Variants in HS3ST4 observed in about 807,000 individuals in gnomAD.
HS3ST4 encodes heparan sulfate-glucosamine 3-sulfotransferase 4, also known as heparan sulfate glucosamine 3-O-sulfotransferase 4.
A neutral mutation model predicts 29.2 loss-of-function variants in HS3ST4; 17 were observed. The observed-to-expected ratio is 0.58, with a 90% CI of 0.40 to 0.87. The LOEUF (loss-of-function observed/expected upper bound fraction) is 0.87, where lower values mean the gene tolerates loss of function less well. HS3ST4 is among the 40% of genes least tolerant of loss of function. The pLI is 0.00. For missense variants in HS3ST4, 627 were observed against 634.5 expected (o/e 0.99, Z 0.13); for synonymous variants, 314 against 285.7 (o/e 1.10, Z -1.00).
intron 1 of HS3ST4, among the ~76,000 whole-genome samples, chr16:25,950,009 C>A (rs1476343932): frequency 3.5e-5 from 5 of 141,802 alleles, no homozygotes; most frequent in Admixed American, 6.9e-5. Context: ...TCCTAGTGCA[C>A]ACCCCTTGCA....
At chr16:26,060,044 C>T (rs1480218756) in intron 1 of HS3ST4, among the ~76,000 whole-genome samples, 1 of 152,154 alleles carries the variant, frequency 6.6e-6, no homozygotes, top group Non-Finnish European at 1.5e-5. Flanking sequence ...TCTCAACATG[C>T]TGGGATTACA....
chr16:25,968,873 G>A (rs1180370512), intron 1 of HS3ST4, among the ~76,000 whole-genome samples: 1 of 152,164 alleles, frequency 6.6e-6, no homozygotes, highest in South Asian at 2.1e-4. Context: ...AGGCTGGAGT[G>A]CAGTGGCATA....
intron 1 of HS3ST4, among the ~76,000 whole-genome samples, chr16:25,794,735 A>G (rs1966878144): frequency 6.6e-6 from 1 of 151,684 alleles, no homozygotes; most frequent in African/African-American, 2.4e-5. Flanking sequence ...TTTTCTATGT[A>G]TTCTTATTGG....
chr16:25,783,558 G>A (rs909266155), intron 1 of HS3ST4, among the ~76,000 whole-genome samples: 4 of 151,986 alleles, frequency 2.6e-5, no homozygotes, highest in Non-Finnish European at 5.9e-5. Flanking sequence ...TACTCTTGGG[G>A]AGAAATCTGT....
chr16:25,803,239 A>G (rs1251176660), intron 1 of HS3ST4, among the ~76,000 whole-genome samples: 1 of 152,030 alleles, frequency 6.6e-6, no homozygotes, highest in Non-Finnish European at 1.5e-5. Flanking sequence ...CTTCCTTCTC[A>G]ATATTTGTAT....
intron 1 of HS3ST4, among the ~76,000 whole-genome samples, chr16:25,978,023 A>C (rs3923844): frequency 1.9e-4 from 29 of 152,298 alleles, no homozygotes; most frequent in Non-Finnish European, 3.1e-4. Context: ...CACATTTTTG[A>C]ATCTCTATTT....
At chr16:25,970,514 C>T (rs1054125146) in intron 1 of HS3ST4, among the ~76,000 whole-genome samples, 27 of 151,886 alleles carry the variant, frequency 1.8e-4, no homozygotes, top group African/African-American at 3.6e-4. Context: ...ATTATTTTTT[C>T]TCTCTCTCTT....
At chr16:25,870,174 A>G (rs963897518) in intron 1 of HS3ST4, among the ~76,000 whole-genome samples, 3 of 151,830 alleles carry the variant, frequency 2.0e-5, no homozygotes, top group Admixed American at 6.6e-5. Context: ...TTGCCCATCC[A>G]TCCATCCACC....
At chr16:26,042,354 C>CTG (rs71732983) in intron 1 of HS3ST4, among the ~76,000 whole-genome samples, 22,673 of 148,450 alleles carry the variant, frequency 0.15, 1,727 homozygotes, top group East Asian at 0.29. Context: ...GCATTTATCT[C>CTG]TGTGTGTGTG....
chr16:25,764,781 C>T (rs1187091274), intron 1 of HS3ST4, among the ~76,000 whole-genome samples: 2 of 152,190 alleles, frequency 1.3e-5, no homozygotes, highest in Non-Finnish European at 2.9e-5. Context: ...TTTTTGCACC[C>T]TGCCATATGG....
intron 1 of HS3ST4, among the ~76,000 whole-genome samples, chr16:25,922,428 C>T (rs539059033): frequency 1.3e-5 from 2 of 152,272 alleles, no homozygotes; most frequent in South Asian, 2.1e-4. Context: ...GATTTGCTGA[C>T]CCCTTGATCT....
At chr16:25,789,419 C>G in intron 1 of HS3ST4, among the ~76,000 whole-genome samples, 2 of 42,038 alleles carry the variant, frequency 4.8e-5, no homozygotes, top group Non-Finnish European at 4.4e-5. Context: ...TCCTTCCTTC[C>G]TTCCTTCCTT....
At chr16:26,062,794 A>G (rs1359350515) in intron 1 of HS3ST4, 2 of 249,868 alleles carry the variant, frequency 8.0e-6, no homozygotes, top group South Asian at 1.1e-4. Context: ...TAAATAAGAA[A>G]TAATTCCTGT....
intron 1 of HS3ST4, among the ~76,000 whole-genome samples, chr16:25,945,527 C>G (rs968637546): frequency 6.6e-6 from 1 of 152,124 alleles, no homozygotes; most frequent in Non-Finnish European, 1.5e-5. Context: ...ATTGCTGCAT[C>G]ACAGTAAATA....
chr16:25,809,393 C>T (rs1292708437), intron 1 of HS3ST4, among the ~76,000 whole-genome samples: 2 of 152,140 alleles, frequency 1.3e-5, no homozygotes, highest in Non-Finnish European at 2.9e-5. Flanking sequence ...ATAAATCCCA[C>T]TTGGTCATGA....
At chr16:26,045,748 C>A (rs924335447) in intron 1 of HS3ST4, among the ~76,000 whole-genome samples, 2 of 152,206 alleles carry the variant, frequency 1.3e-5, no homozygotes, top group Admixed American at 1.3e-4. Flanking sequence ...TTGTCATCTT[C>A]TTTACTGTTT....
At chr16:26,108,007 A>T (rs1196366370) in intron 1 of HS3ST4, among the ~76,000 whole-genome samples, 2 of 152,078 alleles carry the variant, frequency 1.3e-5, no homozygotes, top group Non-Finnish European at 2.9e-5. Flanking sequence ...TGGAAAATAG[A>T]GGTTTTCTAT....
intron 1 of HS3ST4, among the ~76,000 whole-genome samples, chr16:25,920,592 T>G (rs13336668): frequency 2.2e-5 from 3 of 136,218 alleles, no homozygotes; most frequent in African/African-American, 5.7e-5. Flanking sequence ...TTCCCCTCAC[T>G]GCCGCCCCCA....
intron 1 of HS3ST4, among the ~76,000 whole-genome samples, chr16:25,751,921 G>A (rs1314858342): frequency 6.6e-6 from 1 of 152,036 alleles, no homozygotes; most frequent in South Asian, 2.1e-4. Flanking sequence ...ACATTAGATT[G>A]TTTTTTAGAA....
Sources: gnomAD v4.1 joint callset for allele counts (sites outside exome capture counted in the v4.1 genomes callset) on GRCh38, gnomAD v4.1.1 for gene constraint, MANE v1.5 for transcripts, NCBI Gene and HGNC (gene_info 2026-07-23, HGNC 2026-07-21) for gene names.